Variants in SLC38A4 observed in about 807,000 individuals in gnomAD.
The protein encoded by SLC38A4 is solute carrier family 38 member 4, also known as sodium-coupled neutral amino acid transporter 4.
Under a neutral mutation model 63.1 loss-of-function variants are expected in SLC38A4, and 20 were observed. The ratio of observed to expected loss-of-function variants is 0.32; its 90% CI spans 0.22 to 0.46. The LOEUF (loss-of-function observed/expected upper bound fraction) is 0.46. Ranked by LOEUF, SLC38A4 falls within the 20% of genes least tolerant of loss-of-function variation. SLC38A4 has a pLI of 1.00. For synonymous variants in SLC38A4, 230 were observed against 225.5 expected (o/e 1.02, Z -0.18); for missense variants, 526 against 663.6 (o/e 0.79, Z 2.28).
At chr12:46,797,531 A>G (rs894555176) in intron 2 of SLC38A4, among the ~76,000 whole-genome samples, 2 of 152,062 alleles carry the variant, frequency 1.3e-5, no homozygotes, top group African/African-American at 4.8e-5. Flanking sequence ...AAATTATACC[A>G]CCAGCTTTCC....
chr12:46,778,846 A>T, intron 10 of SLC38A4, 70 bp from the exon 11 acceptor site: 4 of 1,424,764 alleles, frequency 2.8e-6, no homozygotes, highest in African/African-American at 1.4e-5. Flanking sequence ...AAGAATCCAT[A>T]TGTGTGGCTT....
rs775195594 is a variant in SLC38A4 at position 46,778,806 on chromosome 12, A to T, written c.718-30T>A. The T allele has an allele frequency of 5.6e-5, 89 of 1,593,602 alleles. 1 individual carries two copies. The South Asian group carries it at 7.0e-4, about 13-fold the overall frequency. ...ACTCAGTCATTAAAAAAGAAAAAAAAATCAGCTTTTTGAGAAAAAACAATG... is the reference window on the plus strand; with the variant it reads ...ACTCAGTCATTAAAAAAGAAAAAAATATCAGCTTTTTGAGAAAAAACAATG... On this transcript the variant is annotated intron_variant, in intron 10 of 16. Coordinates refer to ENST00000266579, the MANE Select transcript of SLC38A4 (RefSeq NM_018018.5).
At chr12:46,782,101 A>G (rs988364742) in intron 7 of SLC38A4, among the ~76,000 whole-genome samples, 2 of 152,056 alleles carry the variant, frequency 1.3e-5, no homozygotes, top group South Asian at 2.1e-4. Context: ...AACACAAATC[A>G]TAAGATATGG....
chr12:46,780,155 G>A, intron 7 of SLC38A4, 125 bp from the exon 8 acceptor site: 1 of 728,908 alleles, frequency 1.4e-6, no homozygotes, highest in Non-Finnish European at 2.3e-6. Flanking sequence ...AAGTCATTGT[G>A]TATTTGGCAC....
Position 46,774,501 on chromosome 12 carries a change from T to C in SLC38A4, c.1299+548A>G, listed in dbSNP as rs1336026103. On this transcript the variant is annotated intron_variant, in intron 14 of 16. Coordinates refer to ENST00000266579, the MANE Select transcript of SLC38A4 (RefSeq NM_018018.5). ...CCTGGTGTGAGTCTGGCAGAGGCCA[T>C]GTGTGAGAGAGATATGTGATAGATA... 2.0e-5 allele frequency among the ~76,000 whole-genome samples: 3 copies of C among 152,050 alleles called. No homozygotes were observed. In the East Asian group the frequency reaches 5.8e-4, roughly 29 times the overall value.
intron 15 of SLC38A4, 33 bp from the exon 16 acceptor site, chr12:46,768,440 CT>C: frequency 6.5e-7 from 1 of 1,529,516 alleles, no homozygotes; most frequent in Non-Finnish European, 9.0e-7. Context: ...AGGTCAATGT[CT>C]TACCCAGCAG....
intron 7 of SLC38A4, among the ~76,000 whole-genome samples, chr12:46,784,152 A>G (rs1452844187): frequency 6.6e-6 from 1 of 152,052 alleles, no homozygotes; most frequent in Non-Finnish European, 1.5e-5. Flanking sequence ...GTTCCCCCAG[A>G]CAACCACTTT....
chr12:46,824,880 G>C (rs1286981161), intron 1 of SLC38A4, among the ~76,000 whole-genome samples: 1 of 152,166 alleles, frequency 6.6e-6, no homozygotes, highest in Non-Finnish European at 1.5e-5. Flanking sequence ...GTGGCAAAAT[G>C]GCATAGAAAC....
intron 16 of SLC38A4, 112 bp downstream of exon 16, chr12:46,768,198 A>C: frequency 1.3e-6 from 1 of 748,546 alleles, no homozygotes; most frequent in Non-Finnish European, 2.1e-6. Flanking sequence ...CCCAGTTTTG[A>C]TTTTTGGTTC....
chr12:46,767,529 C>T (rs76760870), intron 16 of SLC38A4, among the ~76,000 whole-genome samples: 8,080 of 151,964 alleles, frequency 0.053, 343 homozygotes, highest in South Asian at 0.18. Context: ...CCAAGCAAGA[C>T]GGACTACATA....
chr12:46,823,054 TA>T (rs534682734), intron 1 of SLC38A4, among the ~76,000 whole-genome samples: 1 of 152,156 alleles, frequency 6.6e-6, no homozygotes, highest in Non-Finnish European at 1.5e-5. Context: ...GAAAAAGCTT[TA>T]AAAAATCAGA....
intron 1 of SLC38A4, among the ~76,000 whole-genome samples, chr12:46,812,334 G>T (rs1345606227): frequency 6.6e-6 from 1 of 151,904 alleles, no homozygotes; most frequent in Non-Finnish European, 1.5e-5. Context: ...TTTTTCTGAG[G>T]AATCCTGAGA....
At position 46,804,719 on chromosome 12, in the gene SLC38A4, C is replaced by G. The variant is rs552876550; in HGVS notation, c.-304-925G>C. On this transcript the variant is annotated intron_variant, in intron 1 of 16. Coordinates refer to ENST00000266579, the MANE Select transcript of SLC38A4 (RefSeq NM_018018.5). ...CAAATGTGCCCGTTTGGTCTATTAA[C>G]TGTATAGTATTGCAAACTTACTTTT... Among the ~76,000 whole-genome samples the G allele has an allele frequency of 6.6e-5, 10 of 152,110 alleles. No homozygotes were observed. The South Asian group carries it at 2.1e-3, about 32-fold the overall frequency.
intron 1 of SLC38A4, among the ~76,000 whole-genome samples, chr12:46,831,957 C>T (rs1260679528): frequency 2.6e-5 from 4 of 152,096 alleles, no homozygotes; most frequent in African/African-American, 9.7e-5. Context: ...CCCCATACCC[C>T]AGCCCTCCTG....
rs534327875 is a variant in SLC38A4 at position 46,764,776 on chromosome 12, C to T, written c.*1925G>A. The stretch of plus-strand genomic sequence containing the variant: ...TCACATCATAGTCATTTGAAAAGTT[C>T]ATTTATTATATACCAATATACACTT... On this transcript the variant is annotated 3_prime_UTR_variant, in exon 17 of 17. Coordinates refer to ENST00000266579, the MANE Select transcript of SLC38A4 (RefSeq NM_018018.5). The T allele has an allele frequency of 6.6e-6, 1 of 152,152 alleles. No homozygotes were observed. The highest frequency in any genetic ancestry group is 1.5e-5 in the Non-Finnish European group (1 of 67,978). 9.4% of individuals were successfully genotyped at this position (152,152 alleles called of 1,614,324 possible).
In SLC38A4 at chr12:46,787,978, G is replaced by T; in HGVS notation, c.264C>A (p.Ile88=). The T allele has an allele frequency of 6.2e-7, 1 of 1,613,874 alleles. No individual in the cohort carries two copies. Among genetic ancestry groups the T allele is most frequent in the Non-Finnish European group, 8.5e-7 (1 of 1,179,832 alleles). The stretch of plus-strand genomic sequence containing the variant: ...ACAAGCCCAGGATCCCACTGCCCAT[G>T]ATGGCATTACTCAGGTTAAATGAAG... The part of the protein sequence containing the change: ...GMSSFNLSNA[I]MGSGILGLSY... The change falls in exon 5 of 17, where the codon ATC becomes ATA. Residue 88 remains isoleucine (I), a synonymous_variant. Transcript: ENST00000266579.
chr12:46,821,282 T>C (rs568957071), intron 1 of SLC38A4, among the ~76,000 whole-genome samples: 2 of 152,252 alleles, frequency 1.3e-5, no homozygotes, highest in East Asian at 3.9e-4. Flanking sequence ...CTAGGAGTTT[T>C]ACAGTTTCAA....
At chr12:46,801,441 GT>G (rs1295410031) in intron 2 of SLC38A4, among the ~76,000 whole-genome samples, 1 of 152,076 alleles carries the variant, frequency 6.6e-6, no homozygotes, top group East Asian at 1.9e-4. Context: ...CCTAGTTACT[GT>G]AAACATTTAT....
chr12:46,784,673 T>A, intron 6 of SLC38A4, 39 bp from the exon 7 acceptor site: 1 of 1,468,036 alleles, frequency 6.8e-7, no homozygotes, highest in Non-Finnish European at 9.5e-7. Flanking sequence ...AAAGAGATTG[T>A]TTTAATGACT....
Sources: gnomAD v4.1 joint callset for allele counts (sites outside exome capture counted in the v4.1 genomes callset) on GRCh38, gnomAD v4.1.1 for gene constraint, MANE v1.5 for transcripts, NCBI Gene and HGNC (gene_info 2026-07-23, HGNC 2026-07-21) for gene names.